The following CNTN5 variants were observed in gnomAD, a reference collection of about 807,000 sequenced individuals.
CNTN5 encodes contactin 5.
In CNTN5, 77 loss-of-function variants were observed where a neutral mutation model predicts 129.1. The observed-to-expected ratio is 0.60, with a 90% CI of 0.50 to 0.72. The LOEUF (loss-of-function observed/expected upper bound fraction) is 0.72. Among genes scored for constraint, CNTN5 ranks in the 30% least tolerant of loss-of-function variants. The pLI, the probability that CNTN5 is intolerant of heterozygous loss-of-function variation, is 0.00. For missense variants in CNTN5, 1,478 were observed against 1,328.8 expected (o/e 1.11, Z -1.75); for synonymous variants, 509 against 465.6 (o/e 1.09, Z -1.20).
At chr11:99,303,162 A>G (rs530269493) in intron 1 of CNTN5, among the ~76,000 whole-genome samples, 81 of 151,942 alleles carry the variant, frequency 5.3e-4, no homozygotes, top group African/African-American at 1.9e-3. Flanking sequence ...CTAGAATCCA[A>G]TTGACCTTGT....
At chr11:99,326,126 A>G (rs1865778506) in intron 2 of CNTN5, among the ~76,000 whole-genome samples, 1 of 152,254 alleles carries the variant, frequency 6.6e-6, no homozygotes, top group African/African-American at 2.4e-5. Flanking sequence ...TAATCCTTTA[A>G]AATGAATACT....
chr11:99,089,912 A>T (rs544637695), intron 1 of CNTN5, among the ~76,000 whole-genome samples: 1 of 152,302 alleles, frequency 6.6e-6, no homozygotes, highest in South Asian at 2.1e-4. Context: ...TAATTATTAA[A>T]TATCAGTTTT....
chr11:99,607,333 A>C (rs1950453537), intron 3 of CNTN5, among the ~76,000 whole-genome samples: 1 of 143,644 alleles, frequency 7.0e-6, no homozygotes, highest in Admixed American at 7.1e-5. Flanking sequence ...ATGCAGCCAA[A>C]AAACACATGA....
chr11:100,071,897 T>C, intron 12 of CNTN5, 63 bp downstream of exon 12: 1 of 1,378,328 alleles, frequency 7.3e-7, no homozygotes, highest in East Asian at 2.4e-5. Context: ...TGCTCTAATT[T>C]TTACTATACT....
intron 1 of CNTN5, among the ~76,000 whole-genome samples, chr11:99,085,532 TA>T (rs1474199776): frequency 6.6e-6 from 1 of 152,022 alleles, no homozygotes; most frequent in Non-Finnish European, 1.5e-5. Context: ...GGAATTATCA[TA>T]ATAAAAAGAA....
At chr11:99,709,490 A>G (rs184503298) in intron 3 of CNTN5, among the ~76,000 whole-genome samples, 11 of 151,894 alleles carry the variant, frequency 7.2e-5, no homozygotes, top group African/African-American at 2.6e-4. Flanking sequence ...GTGCACATGC[A>G]CGTAATTACA....
chr11:99,371,003 G>A (rs1023765174), intron 2 of CNTN5, among the ~76,000 whole-genome samples: 3 of 152,150 alleles, frequency 2.0e-5, no homozygotes, highest in South Asian at 2.1e-4. Flanking sequence ...GCTCCAGATC[G>A]GGAATAGCTT....
At chr11:100,009,205 A>G (rs929411119) in intron 9 of CNTN5, among the ~76,000 whole-genome samples, 3 of 152,102 alleles carry the variant, frequency 2.0e-5, no homozygotes, top group Non-Finnish European at 4.4e-5. Flanking sequence ...GAATTTAGCG[A>G]AAATTCAGAT....
chr11:99,575,440 T>C (rs757528045), intron 3 of CNTN5, among the ~76,000 whole-genome samples: 1 of 152,156 alleles, frequency 6.6e-6, no homozygotes, highest in Non-Finnish European at 1.5e-5. Flanking sequence ...AGGAAAGATA[T>C]GCCTTTTACT....
chr11:99,349,660 G>C (rs1938153758), intron 2 of CNTN5, among the ~76,000 whole-genome samples: 1 of 152,184 alleles, frequency 6.6e-6, no homozygotes, highest in Non-Finnish European at 1.5e-5. Context: ...TGTTAGAAGG[G>C]AGAAGTTTGC....
intron 1 of CNTN5, among the ~76,000 whole-genome samples, chr11:99,195,190 T>C (rs571432595): frequency 2.0e-5 from 3 of 152,312 alleles, no homozygotes; most frequent in Admixed American, 1.3e-4. Context: ...ACTTATTCCT[T>C]ATATTTTAGC....
intron 8 of CNTN5, among the ~76,000 whole-genome samples, chr11:99,974,686 T>C (rs1204103095): frequency 1.3e-5 from 2 of 152,218 alleles, no homozygotes; most frequent in East Asian, 3.8e-4. Context: ...AGAATTCATC[T>C]ATAGGGAATG....
chr11:99,249,461 T>G (rs1861987988), intron 1 of CNTN5, among the ~76,000 whole-genome samples: 1 of 152,014 alleles, frequency 6.6e-6, no homozygotes, highest in Non-Finnish European at 1.5e-5. Context: ...ATTAGACATT[T>G]AATAGCTGTG....
At chr11:99,557,226 A>C (rs918396487) in intron 3 of CNTN5, among the ~76,000 whole-genome samples, 4 of 151,312 alleles carry the variant, frequency 2.6e-5, no homozygotes, top group Non-Finnish European at 5.9e-5. Flanking sequence ...TCAGTACTCT[A>C]TGCAAATATT....
chr11:99,750,214 A>G (rs1944186210), intron 3 of CNTN5, among the ~76,000 whole-genome samples: 1 of 152,096 alleles, frequency 6.6e-6, no homozygotes, highest in Non-Finnish European at 1.5e-5. Context: ...ATATACCTTG[A>G]GATGTTTTTC....
chr11:99,792,782 T>C (rs1945797867), intron 3 of CNTN5, among the ~76,000 whole-genome samples: 1 of 152,106 alleles, frequency 6.6e-6, no homozygotes, highest in South Asian at 2.1e-4. Context: ...GGTAGGCTTT[T>C]CTTACTGTTT....
In CNTN5 at chr11:99,563,456, T is replaced by A. The variant is rs949801328; in HGVS notation, c.55+7187T>A. On this transcript the variant is annotated intron_variant, in intron 3 of 24. Coordinates refer to ENST00000524871, the MANE Select transcript of CNTN5 (RefSeq NM_014361.4). ...ATGTGTTTTAAGGCTGGAGAAACTGTTTATGGAAATTCAATTCACTTTATG... is the reference window on the plus strand; with the variant it reads ...ATGTGTTTTAAGGCTGGAGAAACTGATTATGGAAATTCAATTCACTTTATG... 2.6e-5 allele frequency among the ~76,000 whole-genome samples: 4 copies of A among 152,194 alleles called. No individual in the cohort carries two copies. In the South Asian group the frequency reaches 8.3e-4, roughly 32 times the overall value.
At chr11:99,949,425 A>G (rs1379071200) in intron 7 of CNTN5, among the ~76,000 whole-genome samples, 4 of 152,090 alleles carry the variant, frequency 2.6e-5, no homozygotes, top group Admixed American at 2.6e-4. Flanking sequence ...GTCCCTGGCA[A>G]GATTCTGGGG....
intron 8 of CNTN5, among the ~76,000 whole-genome samples, chr11:99,981,843 A>T (rs1360436895): frequency 6.6e-6 from 1 of 152,226 alleles, no homozygotes; most frequent in African/African-American, 2.4e-5. Context: ...CTATATGCAA[A>T]TAACTTACCA....
Sources: gnomAD v4.1 joint callset for allele counts (sites outside exome capture counted in the v4.1 genomes callset) on GRCh38, gnomAD v4.1.1 for gene constraint, MANE v1.5 for transcripts, NCBI Gene and HGNC (gene_info 2026-07-23, HGNC 2026-07-21) for gene names.